Variants in STXBP5 observed in about 807,000 individuals in gnomAD.
STXBP5 encodes syntaxin-binding protein 5.
A neutral mutation model predicts 152.4 loss-of-function variants in STXBP5; 50 were observed. That is an observed-to-expected ratio of 0.33 (90% CI 0.26 to 0.42). The LOEUF (loss-of-function observed/expected upper bound fraction) is 0.42, where lower values mean the gene tolerates loss of function less well. Ranked by LOEUF, STXBP5 falls within the 10% of genes least tolerant of loss-of-function variation. The pLI is 1.00. For missense variants in STXBP5, 1,167 were observed against 1,388.6 expected (o/e 0.84, Z 2.54); for synonymous variants, 492 against 494.7 (o/e 0.99, Z 0.07).
chr6:147,286,935 CAAAT>C (rs1167006276), intron 8 of STXBP5, among the ~76,000 whole-genome samples: 1 of 151,382 alleles, frequency 6.6e-6, no homozygotes, highest in African/African-American at 2.4e-5. Flanking sequence ...CACATACACA[CAAAT>C]AAACATGAGA....
intron 18 of STXBP5, among the ~76,000 whole-genome samples, chr6:147,331,184 T>C (rs1783549121): frequency 6.6e-6 from 1 of 152,204 alleles, no homozygotes; most frequent in African/African-American, 2.4e-5. Flanking sequence ...GTCTGGACTT[T>C]TGAAAGAGAA....
In STXBP5 at chr6:147,342,232, A is replaced by G. The variant is rs1056920797; in HGVS notation, c.2254+2848A>G. ...CATGGATGCCATCTTGGTACCCATC[A>G]CTCAAGTATAATATAGTGTCTGGAA... On this transcript the variant is annotated intron_variant, in intron 21 of 27. Coordinates refer to ENST00000321680, the MANE Select transcript of STXBP5 (RefSeq NM_001127715.4). Among the ~76,000 whole-genome samples the G allele has an allele frequency of 5.9e-5, 9 of 152,254 alleles. No homozygotes were observed. The East Asian group carries it at 1.7e-3, about 29-fold the overall frequency.
At chr6:147,292,408 C>G in intron 9 of STXBP5, 3 of 298,252 alleles carry the variant, frequency 1.0e-5, no homozygotes, top group South Asian at 8.5e-5. Flanking sequence ...ATTTTCCTCA[C>G]TTATGACATA....
intron 8 of STXBP5, among the ~76,000 whole-genome samples, chr6:147,282,524 G>A (rs1249493950): frequency 6.6e-6 from 1 of 152,148 alleles, no homozygotes; most frequent in Non-Finnish European, 1.5e-5. Flanking sequence ...ACAAAGTTTA[G>A]TGAATATGTG....
At chr6:147,317,827 T>A (rs1291997043) in intron 16 of STXBP5, among the ~76,000 whole-genome samples, 1 of 152,242 alleles carries the variant, frequency 6.6e-6, no homozygotes, top group Non-Finnish European at 1.5e-5. Flanking sequence ...TACTACTTTA[T>A]ACTTAAAATT....
At chr6:147,296,330 C>T (rs915364734) in intron 9 of STXBP5, among the ~76,000 whole-genome samples, 1 of 152,190 alleles carries the variant, frequency 6.6e-6, no homozygotes, top group African/African-American at 2.4e-5. Flanking sequence ...CCTCTTGCCA[C>T]AGACGTCTAC....
intron 23 of STXBP5, 110 bp from the exon 24 acceptor site, chr6:147,363,225 A>T (rs760032177): frequency 1.7e-6 from 2 of 1,156,552 alleles, no homozygotes; most frequent in Non-Finnish European, 2.4e-6. Flanking sequence ...GTTCAGTTCA[A>T]TATGCGTTCA....
At chr6:147,368,150 T>C (rs2128416284) in intron 25 of STXBP5, among the ~76,000 whole-genome samples, 1 of 152,242 alleles carries the variant, frequency 6.6e-6, no homozygotes, top group East Asian at 1.9e-4. Context: ...TCCCAGCTTA[T>C]TCTATGAAGG....
At chr6:147,346,179 T>C (rs1468546075) in intron 21 of STXBP5, among the ~76,000 whole-genome samples, 1 of 152,190 alleles carries the variant, frequency 6.6e-6, no homozygotes, top group African/African-American at 2.4e-5. Context: ...TCTTGATAAG[T>C]ACAGTGAAAC....
chr6:147,279,249 C>G (rs73013880), intron 8 of STXBP5, among the ~76,000 whole-genome samples: 5 of 152,100 alleles, frequency 3.3e-5, no homozygotes, highest in Non-Finnish European at 4.4e-5. Context: ...TGAAGGCCAC[C>G]TTTTTTGTTT....
intron 16 of STXBP5, among the ~76,000 whole-genome samples, chr6:147,322,735 T>A (rs1204106847): frequency 1.3e-5 from 2 of 152,204 alleles, no homozygotes; most frequent in Non-Finnish European, 2.9e-5. Flanking sequence ...TAACTTAAAG[T>A]CATAGTAGAG....
At chr6:147,322,766 C>A (rs1783001829) in intron 16 of STXBP5, among the ~76,000 whole-genome samples, 1 of 152,202 alleles carries the variant, frequency 6.6e-6, no homozygotes, top group African/African-American at 2.4e-5. Context: ...TAAAAGCAGT[C>A]ACACACTAAA....
intron 4 of STXBP5, among the ~76,000 whole-genome samples, chr6:147,251,979 C>T (rs373853151): frequency 6.6e-6 from 1 of 152,080 alleles, no homozygotes; most frequent in Non-Finnish European, 1.5e-5. Flanking sequence ...CTCCAGCAGA[C>T]CTGCAGCCTG....
chr6:147,317,814 C>A (rs1387650623), intron 16 of STXBP5, among the ~76,000 whole-genome samples: 1 of 152,154 alleles, frequency 6.6e-6, no homozygotes, highest in Non-Finnish European at 1.5e-5. Flanking sequence ...ATTACTTCTT[C>A]AATACTACTT....
At chr6:147,283,488 A>C (rs1469119414) in intron 8 of STXBP5, among the ~76,000 whole-genome samples, 1 of 152,214 alleles carries the variant, frequency 6.6e-6, no homozygotes, top group African/African-American at 2.4e-5. Flanking sequence ...GATATGATAC[A>C]GGAGGAGAAA....
At chr6:147,322,230 G>A (rs1782973821) in intron 16 of STXBP5, among the ~76,000 whole-genome samples, 2 of 152,160 alleles carry the variant, frequency 1.3e-5, no homozygotes, top group Non-Finnish European at 2.9e-5. Context: ...CCTGTGTCAA[G>A]GCTGACTCTG....
intron 22 of STXBP5, 38 bp downstream of exon 22, chr6:147,353,411 A>G (rs769595286): frequency 3.6e-6 from 5 of 1,384,476 alleles, no homozygotes; most frequent in East Asian, 2.5e-5. Context: ...TTAACTCCCT[A>G]TAATGGGAAG....
chr6:147,271,333 G>C (rs1582872226), intron 7 of STXBP5, among the ~76,000 whole-genome samples: 1 of 152,070 alleles, frequency 6.6e-6, no homozygotes, highest in East Asian at 1.9e-4. Flanking sequence ...GTAGGTATCA[G>C]AGTGTTTCAC....
chr6:147,379,810 C>T (rs1053888814), intron 26 of STXBP5, among the ~76,000 whole-genome samples: 1 of 151,756 alleles, frequency 6.6e-6, no homozygotes, highest in Admixed American at 6.6e-5. Flanking sequence ...GATACAAGAT[C>T]AATATAGAAA....
Sources: allele counts gnomAD v4.1 joint callset (sites outside exome capture counted in the v4.1 genomes callset), GRCh38; gene constraint gnomAD v4.1.1; transcripts MANE v1.5; gene names NCBI Gene and HGNC (gene_info 2026-07-23, HGNC 2026-07-21).